ADAD1: variants seen among roughly 807,000 people sequenced by gnomAD.
ADAD1 encodes adenosine deaminase domain-containing protein 1.
In ADAD1, 46 loss-of-function variants were observed where a neutral mutation model predicts 66.8. The ratio of observed to expected loss-of-function variants is 0.69; its 90% CI spans 0.54 to 0.88. ADAD1 has a LOEUF of 0.88. Ranked by LOEUF, ADAD1 falls within the 40% of genes least tolerant of loss-of-function variation. The probability of loss-of-function intolerance (pLI) is 0.00; values close to 1 mark genes in which losing one functional copy is unlikely to be tolerated. For synonymous variants in ADAD1, 248 were observed against 229.4 expected (o/e 1.08, Z -0.73); for missense variants, 617 against 681.8 (o/e 0.91, Z 1.06).
intron 6 of ADAD1, among the ~76,000 whole-genome samples, chr4:122,395,979 A>G (rs1232215886): frequency 1.3e-5 from 2 of 152,214 alleles, no homozygotes; most frequent in Non-Finnish European, 2.9e-5. Flanking sequence ...TGACTTTTGA[A>G]TATATCATCA....
intron 8 of ADAD1, among the ~76,000 whole-genome samples, chr4:122,410,175 A>G (rs1051530239): frequency 3.3e-5 from 5 of 152,200 alleles, no homozygotes; most frequent in Admixed American, 6.5e-5. Context: ...TGTGTCTCTA[A>G]TAATGAGGAA....
At chr4:122,405,504 C>A (rs1796165854) in intron 7 of ADAD1, among the ~76,000 whole-genome samples, 1 of 152,118 alleles carries the variant, frequency 6.6e-6, no homozygotes, top group South Asian at 2.1e-4. Flanking sequence ...ATTTTGTTAC[C>A]TATTCACTTG....
chr4:122,400,729 G>A (rs1014282365), intron 7 of ADAD1, among the ~76,000 whole-genome samples: 1 of 152,100 alleles, frequency 6.6e-6, no homozygotes, highest in Non-Finnish European at 1.5e-5. Flanking sequence ...CTTAATCTAG[G>A]AGGGTTGTCT....
chr4:122,380,845 T>G, intron 3 of ADAD1, 147 bp from the exon 4 acceptor site: 1 of 729,944 alleles, frequency 1.4e-6, no homozygotes, highest in South Asian at 2.1e-5. Flanking sequence ...TTGTCATGTG[T>G]GCCAAAATTG....
intron 12 of ADAD1, among the ~76,000 whole-genome samples, chr4:122,427,272 C>T (rs1382972379): frequency 1.3e-5 from 2 of 152,002 alleles, no homozygotes; most frequent in African/African-American, 4.8e-5. Flanking sequence ...CGTGTGTAAA[C>T]ACAGAGGAAT....
chr4:122,411,481 C>G, intron 9 of ADAD1, 89 bp downstream of exon 9: 2 of 1,279,746 alleles, frequency 1.6e-6, no homozygotes, highest in Non-Finnish European at 2.2e-6. Context: ...CATATAAATT[C>G]TAATTACCCG....
chr4:122,396,324 G>A lies in ADAD1; in HGVS notation c.671G>A (p.Arg224His), dbSNP rs113377246. The stretch of plus-strand genomic sequence containing the variant: ...AGATTTAATCAACTAATTTCTAATC[G>A]TTCAGAATACCTGAAATATAGCAGT... Reference protein sequence around the residue: ...KERFNQLISNRSEYLKYSSSL... With the variant: ...KERFNQLISNHSEYLKYSSSL... The change falls in exon 7 of 13, where the codon CGT becomes CAT. Residue 224 changes from arginine to histidine, a missense_variant. Transcript: ENST00000296513. 1.4e-4 allele frequency: 227 copies of A among 1,604,060 alleles called. No homozygotes were observed. The highest frequency in any genetic ancestry group is 3.2e-4 in the African/African-American group (24 of 74,662).
At position 122,412,542 on chromosome 4, in the gene ADAD1, T is replaced by G. The variant is rs1339836380; in HGVS notation, c.1020-38T>G. 1.9e-6 allele frequency: 3 copies of G among 1,576,522 alleles called. No homozygotes were observed. In the South Asian group the frequency reaches 3.4e-5, roughly 18 times the overall value. ...CAGGTAGATTTTGTTCTGTCACCTTTGTTTTTTAAAGGAAGAAACTTTCTT... is the reference window on the plus strand; with the variant it reads ...CAGGTAGATTTTGTTCTGTCACCTTGGTTTTTTAAAGGAAGAAACTTTCTT... On this transcript the variant is annotated intron_variant, in intron 9 of 12. Coordinates refer to ENST00000296513, the MANE Select transcript of ADAD1 (RefSeq NM_139243.4).
At chr4:122,390,339 G>C (rs1194661198) in intron 5 of ADAD1, among the ~76,000 whole-genome samples, 1 of 152,046 alleles carries the variant, frequency 6.6e-6, no homozygotes, top group Non-Finnish European at 1.5e-5. Context: ...ATGTGTCTTG[G>C]GGTTGATCTT....
chr4:122,408,964 G>GTTTTATGA, intron 8 of ADAD1, among the ~76,000 whole-genome samples: 1 of 152,148 alleles, frequency 6.6e-6, no homozygotes, highest in Admixed American at 6.5e-5. Context: ...GGAAAGTGTA[G>GTTTTATGA]CTTTTGACCC....
At chr4:122,394,509 G>C (rs1795603731) in intron 6 of ADAD1, among the ~76,000 whole-genome samples, 1 of 152,150 alleles carries the variant, frequency 6.6e-6, no homozygotes, top group Admixed American at 6.5e-5. Flanking sequence ...GTCTTTCTAA[G>C]ACAGGAAAAA....
intron 12 of ADAD1, among the ~76,000 whole-genome samples, chr4:122,426,028 T>C (rs1001062888): frequency 2.0e-5 from 3 of 151,772 alleles, no homozygotes; most frequent in Non-Finnish European, 2.9e-5. Context: ...ATCAGTGAAA[T>C]TGAAAATAGA....
chr4:122,403,886 A>T (rs1796088430), intron 7 of ADAD1, among the ~76,000 whole-genome samples: 3 of 151,970 alleles, frequency 2.0e-5, no homozygotes, highest in Admixed American at 2.0e-4. Flanking sequence ...TTCTCAGTCC[A>T]ATGGAGTTAT....
chr4:122,426,776 C>G (rs1446122584), intron 12 of ADAD1, among the ~76,000 whole-genome samples: 1 of 152,136 alleles, frequency 6.6e-6, no homozygotes, highest in African/African-American at 2.4e-5. Flanking sequence ...TTGACAAAGT[C>G]CAGCACCCAT....
intron 10 of ADAD1, 78 bp downstream of exon 10, chr4:122,412,887 T>A: frequency 7.9e-7 from 1 of 1,258,610 alleles, no homozygotes; most frequent in South Asian, 1.4e-5. Context: ...AGTATAAAAT[T>A]AGTTTTAGTT....
chr4:122,388,466 G>T (rs192538325), intron 5 of ADAD1, among the ~76,000 whole-genome samples: 1 of 152,254 alleles, frequency 6.6e-6, no homozygotes, highest in East Asian at 1.9e-4. Flanking sequence ...TTGTATTTCT[G>T]GTAGAATTCA....
rs577967025 is a variant in ADAD1, at chr4:122,420,709, C to T, written c.1488-552C>T. 1.1e-4 allele frequency among the ~76,000 whole-genome samples: 17 copies of T among 152,302 alleles called. No homozygotes were observed. The South Asian group carries it at 3.5e-3, about 32-fold the overall frequency. ...GAAAAGTTACAGTAGCAAAAATGTT[C>T]ATGATCTAGGGACCCACTTTCATTA... On this transcript the variant is annotated intron_variant, in intron 11 of 12. Transcript: ENST00000296513.
intron 4 of ADAD1, among the ~76,000 whole-genome samples, chr4:122,383,017 T>C (rs1325587711): frequency 6.6e-6 from 1 of 151,702 alleles, no homozygotes. Context: ...GAGTGGAGAG[T>C]CAGATTCCTA....
At chr4:122,406,014 A>T (rs897252078) in intron 7 of ADAD1, among the ~76,000 whole-genome samples, 1 of 152,034 alleles carries the variant, frequency 6.6e-6, no homozygotes, top group African/African-American at 2.4e-5. Context: ...TATCTTGGCT[A>T]TTGTGAATAA....
Sources: gnomAD v4.1 joint callset for allele counts (sites outside exome capture counted in the v4.1 genomes callset) on GRCh38, gnomAD v4.1.1 for gene constraint, MANE v1.5 for transcripts, NCBI Gene and HGNC (gene_info 2026-07-23, HGNC 2026-07-21) for gene names.